MACROD2: variants seen among roughly 807,000 people sequenced by gnomAD.
The protein encoded by MACROD2 is ADP-ribose glycohydrolase MACROD2.
A neutral mutation model predicts 70.4 loss-of-function variants in MACROD2; 36 were observed. The ratio of observed to expected loss-of-function variants is 0.51; its 90% confidence interval spans 0.39 to 0.68. The LOEUF is 0.68. Ranked by LOEUF, MACROD2 falls within the 30% of genes least tolerant of loss-of-function variation. The pLI is 0.00. For missense variants in MACROD2, 496 were observed against 538.4 expected, an observed-to-expected ratio of 0.92 and a Z score of 0.78; for synonymous variants, 172 against 178.8, an observed-to-expected ratio of 0.96 and a Z score of 0.30.
In MACROD2 at chr20:15,907,177, G is replaced by A. The variant is rs186236405; in HGVS notation, c.775+21366G>A. ...GTTTGGTTTCTTTTAGTAGAGAAGC[G>A]TATTTGGAAACTAGATCTGAGTATT... On this transcript the variant is annotated intron_variant, in intron 10 of 17. Coordinates refer to ENST00000684519, the MANE Select transcript of MACROD2 (RefSeq NM_001351661.2). Among the ~76,000 whole-genome samples, 6 of 152,308 alleles carry A rather than the reference G, an allele frequency of 3.9e-5. No homozygotes were observed. In the East Asian group the frequency reaches 7.7e-4, roughly 20 times the overall value.
intron 3 of MACROD2, among the ~76,000 whole-genome samples, chr20:14,114,441 A>G (rs2054490340): frequency 6.6e-6 from 1 of 152,180 alleles, no homozygotes; most frequent in African/African-American, 2.4e-5. Context: ...AGAATACAAT[A>G]AAAGATGACA....
At chr20:15,099,873 T>A (rs1247401676) in intron 5 of MACROD2, among the ~76,000 whole-genome samples, 1 of 151,946 alleles carries the variant, frequency 6.6e-6, no homozygotes, top group Non-Finnish European at 1.5e-5. Flanking sequence ...AAGGCAATTC[T>A]GGTGAGGTCT....
In MACROD2 at chr20:14,383,647, T is replaced by G. The variant is rs573496116; in HGVS notation, c.272-109832T>G. 1.4e-4 allele frequency among the ~76,000 whole-genome samples: 21 copies of G among 152,324 alleles called. No individual in the cohort carries two copies. In the South Asian group the frequency reaches 4.1e-3, roughly 30 times the overall value. ...GCCTGATTTATCATAACAGTGCATTTAAATACAATGTTCATGAAATATTAC... is the reference window on the plus strand; with the variant it reads ...GCCTGATTTATCATAACAGTGCATTGAAATACAATGTTCATGAAATATTAC... On this transcript the variant is annotated intron_variant, in intron 3 of 17. Transcript: ENST00000684519.
chr20:14,229,658 AC>A (rs2081781277), intron 3 of MACROD2, among the ~76,000 whole-genome samples: 2 of 152,234 alleles, frequency 1.3e-5, no homozygotes, highest in African/African-American at 4.8e-5. Flanking sequence ...GTAGGTTCTT[AC>A]AAAGCTAAAC....
chr20:15,820,716 C>T (rs2063930048), intron 8 of MACROD2, among the ~76,000 whole-genome samples: 1 of 152,130 alleles, frequency 6.6e-6, no homozygotes, highest in South Asian at 2.1e-4. Context: ...AGAAAACCTC[C>T]CAGCAAGGAT....
intron 6 of MACROD2, among the ~76,000 whole-genome samples, chr20:15,317,482 AATCTATCT>A (rs57469228): frequency 0.032 from 4,623 of 145,848 alleles, 86 homozygotes; most frequent in Non-Finnish European, 0.039. Context: ...CCATCCATCT[AATCTATCT>A]ATCTATCTAT....
intron 3 of MACROD2, among the ~76,000 whole-genome samples, chr20:14,433,703 C>T (rs555275770): frequency 1.6e-4 from 25 of 152,176 alleles, no homozygotes; most frequent in African/African-American, 5.8e-4. Flanking sequence ...AGAAAAATGG[C>T]CAGTTTACCT....
At chr20:14,887,236 G>A (rs1165717575) in intron 5 of MACROD2, among the ~76,000 whole-genome samples, 2 of 152,212 alleles carry the variant, frequency 1.3e-5, no homozygotes, top group East Asian at 3.9e-4. Context: ...GGATGGAGAT[G>A]TCCTGCCCTC....
chr20:15,564,001 G>A (rs2048278755), intron 8 of MACROD2, among the ~76,000 whole-genome samples: 1 of 152,122 alleles, frequency 6.6e-6, no homozygotes, highest in South Asian at 2.1e-4. Flanking sequence ...CCAAAACCCA[G>A]CTTGGATTAG....
rs775196542 is a variant in MACROD2, at chr20:16,044,558, TTTC to T, written c.1232-11_1232-9del. On this transcript the variant is annotated splice_polypyrimidine_tract_variant and intron_variant, in intron 16 of 17. Coordinates refer to ENST00000684519, the MANE Select transcript of MACROD2 (RefSeq NM_001351661.2). ...TAATGAATATTTAACTTTTTTTTTTTTTCTGGTGACAGTTGAAATGAATAGTCA... is the reference window on the plus strand; with the variant it reads ...TAATGAATATTTAACTTTTTTTTTTTTGGTGACAGTTGAAATGAATAGTCA... 9 of 1,609,116 alleles carry T rather than the reference TTTC, an allele frequency of 5.6e-6. No homozygotes were observed. Among genetic ancestry groups the T allele is most frequent in the Middle Eastern group, 1.7e-4 (1 of 6,032 alleles).
chr20:14,849,970 C>T, intron 5 of MACROD2: 2 of 516,820 alleles, frequency 3.9e-6, no homozygotes, highest in Non-Finnish European at 3.9e-6. Context: ...TCTATTACTT[C>T]AATCACTCCA....
intron 5 of MACROD2, among the ~76,000 whole-genome samples, chr20:14,900,326 A>T (rs530308951): frequency 6.6e-6 from 1 of 152,260 alleles, no homozygotes; most frequent in Admixed American, 6.5e-5. Flanking sequence ...CTGGCTTCAT[A>T]GAATGAGCTC....
At chr20:14,641,540 T>C (rs1985089997) in intron 4 of MACROD2, among the ~76,000 whole-genome samples, 1 of 152,218 alleles carries the variant, frequency 6.6e-6, no homozygotes, top group South Asian at 2.1e-4. Flanking sequence ...TTACAAAATG[T>C]ATTTTTTAAA....
At chr20:14,303,305 C>G (rs1415986991) in intron 3 of MACROD2, among the ~76,000 whole-genome samples, 8 of 152,170 alleles carry the variant, frequency 5.3e-5, no homozygotes, top group Non-Finnish European at 2.9e-5. Context: ...ATCTTTTAAT[C>G]TGCCTGACGC....
intron 8 of MACROD2, among the ~76,000 whole-genome samples, chr20:15,529,536 ATAGAGGC>A (rs763161349): frequency 2.0e-5 from 3 of 152,192 alleles, no homozygotes; most frequent in Non-Finnish European, 4.4e-5. Context: ...CAAGTGGAGG[ATAGAGGC>A]TTCTTTTAGA....
At chr20:15,926,448 T>G (rs6135604) in intron 10 of MACROD2, among the ~76,000 whole-genome samples, 6,125 of 152,236 alleles carry the variant, frequency 0.04, 293 homozygotes, top group East Asian at 0.24. Flanking sequence ...GAGCTTACAT[T>G]CAAGGAGGGG....
chr20:14,329,200 C>CT (rs2082790353), intron 3 of MACROD2: 1 of 151,974 alleles, frequency 6.6e-6, no homozygotes, highest in Non-Finnish European at 1.5e-5. Context: ...GGTGCAGTCA[C>CT]GTTATACAAG....
intron 4 of MACROD2, among the ~76,000 whole-genome samples, chr20:14,658,682 C>T (rs1042496690): frequency 2.6e-5 from 4 of 152,172 alleles, no homozygotes; most frequent in Non-Finnish European, 4.4e-5. Context: ...GGCACAATCT[C>T]GGCCCACTGC....
chr20:15,304,137 C>A (rs952981276), intron 6 of MACROD2, among the ~76,000 whole-genome samples: 1 of 151,950 alleles, frequency 6.6e-6, no homozygotes. Flanking sequence ...TATCTAGTAA[C>A]TTTTAAGTGC....
Sources: gnomAD v4.1 joint callset for allele counts (sites outside exome capture counted in the v4.1 genomes callset) on GRCh38, gnomAD v4.1.1 for gene constraint, MANE v1.5 for transcripts, NCBI Gene and HGNC (gene_info 2026-07-23, HGNC 2026-07-21) for gene names.